ACOXL: variants seen among roughly 807,000 people sequenced by gnomAD.
ACOXL encodes acyl-CoA oxidase like, also known as acyl-coenzyme A oxidase-like protein.
Under a neutral mutation model 71.9 loss-of-function variants are expected in ACOXL, and 70 were observed. The observed-to-expected ratio is 0.97, with a 90% CI of 0.80 to 1.19. The LOEUF is 1.19. Among genes scored for constraint, ACOXL ranks in the 50% most tolerant of loss-of-function variants. The pLI is 0.00. For missense variants in ACOXL, 703 were observed against 736.3 expected, an observed-to-expected ratio of 0.95 and a Z score of 0.52; for synonymous variants, 253 against 281.6, an observed-to-expected ratio of 0.90 and a Z score of 1.02.
rs1686514725 is a variant in ACOXL, at chr2:110,805,405, T to C, written c.753+10T>C. The C allele has an allele frequency of 1.2e-6, 2 of 1,614,066 alleles. No homozygotes were observed. Among genetic ancestry groups the C allele is most frequent in the Middle Eastern group, 1.6e-4 (1 of 6,084 alleles). ...TATGGGTGCCATGAAGGTAATTGAC[T>C]CTGATTTTAACTTAATTATCTACTG... On this transcript the variant is annotated intron_variant, in intron 9 of 17. Transcript: ENST00000439055.
chr2:110,850,529 A>G lies in ACOXL; in HGVS notation c.788+9124A>G, dbSNP rs569866111. ...GAAGGGATGCTCACCCTCATTAGTC[A>G]TTAAGGAAATGCAAATTAAGGTAGA... is the stretch of plus-strand genomic sequence containing the variant. On this transcript the variant is annotated intron_variant, in intron 10 of 17. Transcript: ENST00000439055. Among the ~76,000 whole-genome samples, 6 of 152,356 alleles carry G rather than the reference A, an allele frequency of 3.9e-5. No individual in the cohort carries two copies. The South Asian group carries it at 8.3e-4, about 21-fold the overall frequency.
At chr2:110,780,181 A>G (rs1457455037) in intron 2 of ACOXL, among the ~76,000 whole-genome samples, 1 of 152,246 alleles carries the variant, frequency 6.6e-6, no homozygotes, top group Non-Finnish European at 1.5e-5. Context: ...AACACTTACA[A>G]ATGGCCATTA....
At chr2:110,929,346 T>G (rs944296189) in intron 11 of ACOXL, among the ~76,000 whole-genome samples, 1 of 152,274 alleles carries the variant, frequency 6.6e-6, no homozygotes, top group Middle Eastern at 3.4e-3. Context: ...GCCCTAGAGA[T>G]GTGTGGAACT....
chr2:111,039,417 AAAAG>A (rs1261026885), intron 15 of ACOXL, among the ~76,000 whole-genome samples: 1 of 152,072 alleles, frequency 6.6e-6, no homozygotes, highest in Non-Finnish European at 1.5e-5. Flanking sequence ...AAGAAAAAAA[AAAAG>A]GCAGCGTTTA....
At chr2:110,736,002 T>C (rs1456501503) in intron 1 of ACOXL, among the ~76,000 whole-genome samples, 2 of 151,962 alleles carry the variant, frequency 1.3e-5, no homozygotes, top group African/African-American at 4.8e-5. Context: ...TTCTCCCACT[T>C]GTAGCTCCTG....
intron 10 of ACOXL, among the ~76,000 whole-genome samples, chr2:110,893,511 A>C (rs1311776694): frequency 6.6e-6 from 1 of 152,202 alleles, no homozygotes; most frequent in African/African-American, 2.4e-5. Context: ...AAGGAATAAA[A>C]ATTGATATAA....
intron 9 of ACOXL, among the ~76,000 whole-genome samples, chr2:110,829,474 A>T (rs1221291522): frequency 2.0e-5 from 3 of 152,178 alleles, no homozygotes; most frequent in Non-Finnish European, 4.4e-5. Flanking sequence ...ATTGTCCTAG[A>T]AATATTCAGA....
At chr2:110,819,487 A>G (rs1688355172) in intron 9 of ACOXL, among the ~76,000 whole-genome samples, 1 of 152,124 alleles carries the variant, frequency 6.6e-6, no homozygotes, top group Non-Finnish European at 1.5e-5. Flanking sequence ...ACAGGGAGCT[A>G]TGAGGGACTC....
intron 16 of ACOXL, among the ~76,000 whole-genome samples, chr2:111,057,188 T>C (rs2066582838): frequency 6.6e-6 from 1 of 152,208 alleles, no homozygotes. Flanking sequence ...ACCAACTGTG[T>C]GGGTTCCACT....
chr2:110,924,882 C>A (rs534959958), intron 11 of ACOXL, among the ~76,000 whole-genome samples: 2 of 152,012 alleles, frequency 1.3e-5, no homozygotes, highest in Non-Finnish European at 2.9e-5. Flanking sequence ...CAGCCATAGC[C>A]TTATGAAATG....
intron 13 of ACOXL, among the ~76,000 whole-genome samples, chr2:110,991,135 T>C (rs1179650365): frequency 6.6e-6 from 1 of 152,216 alleles, no homozygotes; most frequent in Non-Finnish European, 1.5e-5. Context: ...TTCATGTTAG[T>C]TTAAGTAAAT....
At chr2:110,952,075 T>C (rs966374279) in intron 12 of ACOXL, among the ~76,000 whole-genome samples, 1 of 152,240 alleles carries the variant, frequency 6.6e-6, no homozygotes, top group Non-Finnish European at 1.5e-5. Flanking sequence ...TCCTTGACTA[T>C]TTGGTACAAA....
intron 16 of ACOXL, among the ~76,000 whole-genome samples, chr2:111,075,270 C>A (rs1164150101): frequency 6.6e-6 from 1 of 151,962 alleles, no homozygotes; most frequent in Admixed American, 6.5e-5. Flanking sequence ...TTTTCTTAAA[C>A]TTTAATGAGA....
At chr2:110,791,060 A>G (rs576624545) in intron 3 of ACOXL, among the ~76,000 whole-genome samples, 2 of 152,240 alleles carry the variant, frequency 1.3e-5, no homozygotes, top group Non-Finnish European at 2.9e-5. Flanking sequence ...CACCTGCTGA[A>G]AGCATGTCAG....
intron 1 of ACOXL, among the ~76,000 whole-genome samples, chr2:110,737,791 G>A (rs1055214085): frequency 3.3e-5 from 5 of 152,116 alleles, no homozygotes; most frequent in African/African-American, 4.8e-5. Context: ...CTCTTCCTGC[G>A]TCTTCACCAC....
chr2:111,052,494 C>A (rs1486242588), intron 16 of ACOXL, among the ~76,000 whole-genome samples: 1 of 152,076 alleles, frequency 6.6e-6, no homozygotes, highest in Non-Finnish European at 1.5e-5. Context: ...CTGTTACTGG[C>A]TTAAGTAACA....
intron 14 of ACOXL, among the ~76,000 whole-genome samples, chr2:111,003,297 C>G (rs1433627713): frequency 6.6e-6 from 1 of 151,938 alleles, no homozygotes; most frequent in Non-Finnish European, 1.5e-5. Flanking sequence ...CGCCTGTAAT[C>G]CCAGCATTTT....
intron 10 of ACOXL, among the ~76,000 whole-genome samples, chr2:110,902,044 G>T (rs1361861979): frequency 1.3e-5 from 2 of 149,180 alleles, no homozygotes; most frequent in Admixed American, 6.8e-5. Flanking sequence ...AAAAAAAAAA[G>T]AAAAATGGAA....
chr2:110,945,197 T>C (rs11123250), intron 12 of ACOXL, among the ~76,000 whole-genome samples: 28,684 of 152,180 alleles, frequency 0.19, 2,982 homozygotes, highest in East Asian at 0.37. Context: ...CAGAATTGTT[T>C]GGTTTTTACT....
Sources: allele counts gnomAD v4.1 joint callset (sites outside exome capture counted in the v4.1 genomes callset), GRCh38; gene constraint gnomAD v4.1.1; transcripts MANE v1.5; gene names NCBI Gene and HGNC (gene_info 2026-07-23, HGNC 2026-07-21).